Variants in HEATR5A observed in about 807,000 individuals in gnomAD.
The protein encoded by HEATR5A is HEAT repeat-containing protein 5A.
HEATR5A carries 178 observed loss-of-function variants against 218.8 expected under a neutral mutation model. That is an observed-to-expected ratio of 0.81 (90% CI 0.72 to 0.92). The LOEUF (loss-of-function observed/expected upper bound fraction) is 0.92, where lower values mean the gene tolerates loss of function less well. Ranked by LOEUF, HEATR5A falls within the 40% of genes least tolerant of loss-of-function variation. HEATR5A has a pLI of 0.00. For synonymous variants in HEATR5A, 864 were observed against 871.6 expected, an observed-to-expected ratio of 0.99 and a Z score of 0.15; for missense variants, 2,420 against 2,418.9, an observed-to-expected ratio of 1.00 and a Z score of -0.01.
intron 25 of HEATR5A, among the ~76,000 whole-genome samples, chr14:31,318,731 C>G (rs944366373): frequency 6.6e-6 from 1 of 152,196 alleles, no homozygotes; most frequent in African/African-American, 2.4e-5. Context: ...CTCAAGTGAT[C>G]CAACTGCCTC....
intron 22 of HEATR5A, chr14:31,334,296 T>C: frequency 2.5e-6 from 1 of 393,030 alleles, no homozygotes; most frequent in East Asian, 7.2e-5. Flanking sequence ...AGGAGTCATT[T>C]TGATTTTCAA....
intron 24 of HEATR5A, among the ~76,000 whole-genome samples, chr14:31,322,829 A>C (rs953397728): frequency 6.6e-6 from 1 of 151,730 alleles, no homozygotes; most frequent in Admixed American, 6.6e-5. Flanking sequence ...AAAAAAAAAA[A>C]AAAAAAACAC....
intron 22 of HEATR5A, among the ~76,000 whole-genome samples, chr14:31,327,323 T>C (rs1194751352): frequency 7.2e-6 from 1 of 138,526 alleles, no homozygotes; most frequent in African/African-American, 2.8e-5. Flanking sequence ...AGACCGAGTC[T>C]TGCTCTGTTG....
chr14:31,312,921 T>G (rs1595086240), intron 28 of HEATR5A, 47 bp downstream of exon 28: 2 of 1,371,580 alleles, frequency 1.5e-6, no homozygotes, highest in South Asian at 1.3e-5. Context: ...GAAAAGAAAA[T>G]GTGTTACTGT....
intron 11 of HEATR5A, among the ~76,000 whole-genome samples, chr14:31,377,840 G>C (rs1902288674): frequency 6.6e-6 from 1 of 152,012 alleles, no homozygotes; most frequent in Non-Finnish European, 1.5e-5. Context: ...GAATAGTTAA[G>C]AAAAATGAAT....
intron 11 of HEATR5A, among the ~76,000 whole-genome samples, chr14:31,375,921 A>T (rs1902210343): frequency 6.6e-6 from 1 of 152,170 alleles, no homozygotes; most frequent in Non-Finnish European, 1.5e-5. Context: ...CTCCCCAGGT[A>T]CTTTTCTTTA....
At chr14:31,296,251 C>A (rs1194958887) in intron 33 of HEATR5A, 188 bp from the exon 34 acceptor site, 1 of 471,028 alleles carries the variant, frequency 2.1e-6, no homozygotes, top group Non-Finnish European at 3.7e-6. Context: ...CTAAGAACTA[C>A]CAAAGTAATT....
chr14:31,415,080 C>T (rs1383853845), intron 1 of HEATR5A, among the ~76,000 whole-genome samples: 10 of 152,128 alleles, frequency 6.6e-5, no homozygotes, highest in Admixed American at 2.0e-4. Flanking sequence ...CCTGGTGATC[C>T]GCCTGCCTTG....
chr14:31,412,905 A>C (rs1422425229), intron 1 of HEATR5A, among the ~76,000 whole-genome samples: 3 of 152,216 alleles, frequency 2.0e-5, no homozygotes, highest in Admixed American at 2.0e-4. Flanking sequence ...TATAATTGTA[A>C]GTAACTTTCA....
At chr14:31,300,335 G>C (rs1019076115) in intron 33 of HEATR5A, among the ~76,000 whole-genome samples, 2 of 151,664 alleles carry the variant, frequency 1.3e-5, no homozygotes, top group African/African-American at 4.8e-5. Context: ...GCCCAGGCTG[G>C]AGTGCAGAGG....
At chr14:31,376,038 C>T (rs1010181426) in intron 11 of HEATR5A, among the ~76,000 whole-genome samples, 10 of 152,170 alleles carry the variant, frequency 6.6e-5, no homozygotes, top group African/African-American at 1.7e-4. Context: ...TAGCTCAGAA[C>T]TGCATTTGGC....
intron 29 of HEATR5A, 112 bp from the exon 30 acceptor site, chr14:31,308,132 T>C: frequency 1.1e-6 from 1 of 951,712 alleles, no homozygotes; most frequent in Non-Finnish European, 1.5e-6. Context: ...AAAAAGGTAA[T>C]ACAAATAAAT....
Position 31,336,211 on chromosome 14 carries a change from T to TACAC in HEATR5A, c.3367+1264_3367+1265insGTGT, listed in dbSNP as rs776727980. ...GCAGGGGGTTATTTTTATATATACATACATACATATATATATATATATATA... is the reference window on the plus strand; with the variant it reads ...GCAGGGGGTTATTTTTATATATACATACACACATACATATATATATATATATATA... On this transcript the variant is annotated intron_variant, in intron 22 of 35. Transcript: ENST00000543095. 2.3e-3 allele frequency among the ~76,000 whole-genome samples: 25 copies of TACAC among 10,710 alleles called. 1 individual carries two copies. The highest frequency in any genetic ancestry group is 5.9e-3 in the African/African-American group (22 of 3,706). 7.0% of individuals were successfully genotyped at this position (10,710 alleles called of 152,430 possible). A position where few individuals can be genotyped will look rare whatever the true frequency, so the allele number is the denominator to read the frequency against.
chr14:31,331,365 T>C (rs538885794), intron 22 of HEATR5A, among the ~76,000 whole-genome samples: 2 of 152,316 alleles, frequency 1.3e-5, no homozygotes, highest in African/African-American at 4.8e-5. Flanking sequence ...AAGAGTGACC[T>C]TTACTACAAT....
At chr14:31,347,153 G>GT in intron 19 of HEATR5A, among the ~76,000 whole-genome samples, 1 of 152,120 alleles carries the variant, frequency 6.6e-6, no homozygotes, top group Non-Finnish European at 1.5e-5. Context: ...AGAATGTATC[G>GT]TAACACCTGG....
chr14:31,336,247 T>C (rs188642621), intron 22 of HEATR5A, among the ~76,000 whole-genome samples: 5 of 112,198 alleles, frequency 4.5e-5, no homozygotes, highest in Admixed American at 1.7e-4. Flanking sequence ...TATATATATA[T>C]ATATATATAT....
chr14:31,407,439 G>A (rs1289911031), intron 1 of HEATR5A, among the ~76,000 whole-genome samples: 2 of 152,084 alleles, frequency 1.3e-5, no homozygotes, highest in Non-Finnish European at 2.9e-5. Flanking sequence ...ATTTAATTAG[G>A]TTAATGTATA....
intron 18 of HEATR5A, 85 bp downstream of exon 18, chr14:31,349,704 A>G: frequency 1.3e-6 from 1 of 798,642 alleles, no homozygotes; most frequent in Non-Finnish European, 2.0e-6. Flanking sequence ...TCTCAGAATG[A>G]AGATCTTACT....
chr14:31,397,520 G>T (rs149738961), intron 4 of HEATR5A, among the ~76,000 whole-genome samples: 1 of 151,896 alleles, frequency 6.6e-6, no homozygotes, highest in South Asian at 2.1e-4. Context: ...TTAGCTAGGC[G>T]TGGTGGCACG....
Sources: allele counts gnomAD v4.1 joint callset (sites outside exome capture counted in the v4.1 genomes callset), GRCh38; gene constraint gnomAD v4.1.1; transcripts MANE v1.5; gene names NCBI Gene and HGNC (gene_info 2026-07-23, HGNC 2026-07-21).